Variants in TAFA2 observed in about 807,000 individuals in gnomAD.
The protein encoded by TAFA2 is chemokine-like protein TAFA-2.
TAFA2 carries 7 observed loss-of-function variants against 18.8 expected under a neutral mutation model. The ratio of observed to expected loss-of-function variants is 0.37; its 90% CI spans 0.21 to 0.70. The LOEUF is 0.70. Ranked by LOEUF, TAFA2 falls within the 30% of genes least tolerant of loss-of-function variation. The pLI is 0.53. For synonymous variants in TAFA2, 60 were observed against 54.2 expected (o/e 1.11, Z -0.47); for missense variants, 122 against 158.1 (o/e 0.77, Z 1.23).
chr12:61,904,890 G>T (rs1480747928), intron 1 of TAFA2, among the ~76,000 whole-genome samples: 1 of 152,086 alleles, frequency 6.6e-6, no homozygotes, highest in East Asian at 1.9e-4. Flanking sequence ...TTGTCCTCAA[G>T]TCTTTGATTC....
intron 1 of TAFA2, among the ~76,000 whole-genome samples, chr12:61,903,781 C>T (rs913428667): frequency 6.6e-6 from 1 of 152,054 alleles, no homozygotes; most frequent in Admixed American, 6.6e-5. Context: ...GTATGTGAGT[C>T]AAAAATGCAA....
chr12:61,719,411 A>G (rs1034257782), intron 4 of TAFA2, among the ~76,000 whole-genome samples: 3 of 152,248 alleles, frequency 2.0e-5, no homozygotes, highest in South Asian at 4.2e-4. Context: ...CTTTTGAGAT[A>G]TCTTTTCAGG....
chr12:61,767,128 A>G (rs1359795892), intron 2 of TAFA2, among the ~76,000 whole-genome samples: 1 of 152,162 alleles, frequency 6.6e-6, no homozygotes, highest in African/African-American at 2.4e-5. Flanking sequence ...GTTATATTAT[A>G]GAAGAAACTT....
rs148641670 is a variant in TAFA2 at position 61,964,436 on chromosome 12, A to G, written c.-1-97010T>C. 2.4e-3 allele frequency among the ~76,000 whole-genome samples: 368 copies of G among 151,828 alleles called. 4 individuals are homozygous for G. The highest frequency in any genetic ancestry group is 8.5e-3 in the African/African-American group (351 of 41,456). On this transcript the variant is annotated intron_variant, in intron 1 of 4. Transcript: ENST00000416284. ...TTCCTCTGTGAGAAATCTCCCCTCC[A>G]TGACCTGCTCTCTGAGTAAGGCTGT...
rs199555596 is a variant in TAFA2, at chr12:61,792,590, G to GA, written c.107-37567dup. Among the ~76,000 whole-genome samples, 37 of 151,108 alleles carry GA rather than the reference G, an allele frequency of 2.4e-4. No individual in the cohort carries two copies. In the East Asian group the frequency reaches 6.9e-3, roughly 28 times the overall value. On this transcript the variant is annotated intron_variant, in intron 2 of 4. Transcript: ENST00000416284. ...AAGACACAAATAGGTTAAAATGATA[G>GA]AAAAAACATACCATGCAAACACTAA...
At chr12:61,967,077 T>A (rs1024405802) in intron 1 of TAFA2, among the ~76,000 whole-genome samples, 10 of 151,854 alleles carry the variant, frequency 6.6e-5, no homozygotes, top group Non-Finnish European at 1.5e-5. Flanking sequence ...AGGTAAGAAG[T>A]GATGAGAGAC....
At chr12:62,012,340 T>A (rs1197078967) in intron 1 of TAFA2, among the ~76,000 whole-genome samples, 1 of 152,062 alleles carries the variant, frequency 6.6e-6, no homozygotes, top group Non-Finnish European at 1.5e-5. Context: ...TCACTTCTAT[T>A]TTCCTTTAGG....
intron 1 of TAFA2, among the ~76,000 whole-genome samples, chr12:61,997,191 G>GTGTA (rs1555182352): frequency 4.6e-4 from 70 of 150,706 alleles, no homozygotes; most frequent in African/African-American, 1.5e-3. Context: ...GTGTGTGTGT[G>GTGTA]TATATATATA....
At chr12:62,257,162 A>G (rs1010027629) in intron 1 of TAFA2, among the ~76,000 whole-genome samples, 12 of 50,914 alleles carry the variant, frequency 2.4e-4, no homozygotes, top group African/African-American at 4.3e-4. Context: ...ATACATATAT[A>G]TGTGTGTGTG....
rs187076089 is a variant in TAFA2, at chr12:62,178,233, G to A, written c.-2+13026C>T. Among the ~76,000 whole-genome samples, 9 of 152,272 alleles carry A rather than the reference G, an allele frequency of 5.9e-5. No homozygotes were observed. The South Asian group carries it at 6.2e-4, about 11-fold the overall frequency. The stretch of plus-strand genomic sequence containing the variant: ...GAGGATCACTTGAGCCCGAGAGATC[G>A]AGGCTGCAGTCAGCTATGATTGTAC... On this transcript the variant is annotated intron_variant, in intron 1 of 4. Transcript: ENST00000416284.
chr12:61,890,473 G>T (rs1043476080), intron 1 of TAFA2: 8 of 152,304 alleles, frequency 5.3e-5, no homozygotes, highest in African/African-American at 1.9e-4. Flanking sequence ...TTGTCCAAAG[G>T]GGCTAATGAA....
intron 2 of TAFA2, among the ~76,000 whole-genome samples, chr12:61,824,608 C>T (rs1029083290): frequency 6.6e-6 from 1 of 152,110 alleles, no homozygotes; most frequent in African/African-American, 2.4e-5. Flanking sequence ...AAATAAAGCA[C>T]ATCTTAGATA....
At chr12:62,250,317 T>C (rs2062906710) in intron 1 of TAFA2, among the ~76,000 whole-genome samples, 1 of 152,226 alleles carries the variant, frequency 6.6e-6, no homozygotes, top group Non-Finnish European at 1.5e-5. Flanking sequence ...TGCTTCTATC[T>C]AAATCGCATT....
intron 2 of TAFA2, among the ~76,000 whole-genome samples, chr12:61,757,165 A>G (rs566307757): frequency 5.3e-5 from 8 of 152,082 alleles, no homozygotes; most frequent in Non-Finnish European, 1.2e-4. Flanking sequence ...CCAGTTATGA[A>G]GAGGTGTAGG....
At chr12:62,212,551 A>G (rs1375197512) in intron 1 of TAFA2, among the ~76,000 whole-genome samples, 1 of 151,934 alleles carries the variant, frequency 6.6e-6, no homozygotes, top group Admixed American at 6.6e-5. Context: ...TCTGACATCC[A>G]TGAAGGAAAA....
chr12:62,036,154 C>A (rs929706208), intron 1 of TAFA2, among the ~76,000 whole-genome samples: 2 of 152,086 alleles, frequency 1.3e-5, no homozygotes, highest in African/African-American at 4.8e-5. Context: ...GTTGTGAGAA[C>A]CAAACATGAC....
chr12:61,729,977 A>G (rs1870364038), intron 4 of TAFA2, among the ~76,000 whole-genome samples: 1 of 152,068 alleles, frequency 6.6e-6, no homozygotes, highest in Non-Finnish European at 1.5e-5. Context: ...GAAAGACTGC[A>G]GTGACTGTTA....
intron 1 of TAFA2, among the ~76,000 whole-genome samples, chr12:61,932,392 G>T (rs1877594072): frequency 6.6e-6 from 1 of 151,844 alleles, no homozygotes; most frequent in Non-Finnish European, 1.5e-5. Flanking sequence ...CACTCGAGAA[G>T]TGAAAAGTGA....
chr12:62,249,470 C>T (rs1263782378), intron 1 of TAFA2, among the ~76,000 whole-genome samples: 1 of 152,050 alleles, frequency 6.6e-6, no homozygotes, highest in East Asian at 1.9e-4. Context: ...TATTAGTTCC[C>T]ATGACAGTTG....
Sources: gnomAD v4.1 joint callset for allele counts (sites outside exome capture counted in the v4.1 genomes callset) on GRCh38, gnomAD v4.1.1 for gene constraint, MANE v1.5 for transcripts, NCBI Gene and HGNC (gene_info 2026-07-23, HGNC 2026-07-21) for gene names.